Variants in C19orf44 observed in about 807,000 individuals in gnomAD.
The protein encoded by C19orf44 is uncharacterized protein C19orf44.
A neutral mutation model predicts 50.7 loss-of-function variants in C19orf44; 43 were observed. That is an observed-to-expected ratio of 0.85 (90% CI 0.66 to 1.09). The LOEUF (loss-of-function observed/expected upper bound fraction) is 1.09, where lower values mean the gene tolerates loss of function less well. Ranked by LOEUF, C19orf44 falls within the 50% of genes least tolerant of loss-of-function variation. C19orf44 has a pLI of 0.00. For missense variants in C19orf44, 722 were observed against 836.2 expected, an observed-to-expected ratio of 0.86 and a Z score of 1.68; for synonymous variants, 298 against 334.7, an observed-to-expected ratio of 0.89 and a Z score of 1.20.
Position 16,513,083 on chromosome 19 carries a change from A to G in C19orf44, c.1709A>G (p.His570Arg), listed in dbSNP as rs1450207655. The G allele has an allele frequency of 1.2e-6, 2 of 1,613,800 alleles. No individual in the cohort carries two copies. ...AYVDPTPIAN[H>R]VISADAIEAL... ...GTGGACCCGACACCCATCGCCAATCATGTTATCAGTGCAGATGCAATAGAA... is the reference window on the plus strand; with the variant it reads ...GTGGACCCGACACCCATCGCCAATCGTGTTATCAGTGCAGATGCAATAGAA... The change falls in exon 6 of 9, where the codon CAT becomes CGT. Residue 570 changes from histidine (H) to arginine (R), a missense_variant. Transcript: ENST00000221671.
chr19:16,506,484 T>C (rs1432947098), intron 3 of C19orf44, among the ~76,000 whole-genome samples: 1 of 151,836 alleles, frequency 6.6e-6, no homozygotes, highest in African/African-American at 2.4e-5. Context: ...TCCCAGCTAC[T>C]CAGGAGGCTG....
chr19:16,516,733 TC>T (rs1382058290), intron 7 of C19orf44, among the ~76,000 whole-genome samples: 2 of 152,112 alleles, frequency 1.3e-5, no homozygotes, highest in African/African-American at 2.4e-5. Context: ...CTGTGCCGAG[TC>T]CCCTGCATGC....
At position 16,518,852 on chromosome 19, in the gene C19orf44, G is replaced by A. The variant is rs1021501765; in HGVS notation, c.*41-1242G>A. ...AGGGCAGATGCACATCCATCCCTTC[G>A]TGGCTGAAGAATTTACTCGGGCGGA... On this transcript the variant is annotated intron_variant, in intron 8 of 8. Transcript: ENST00000221671. The A allele has an allele frequency of 1.9e-5, 7 of 378,314 alleles. No individual in the cohort carries two copies. In the East Asian group the frequency reaches 2.0e-4, roughly 11 times the overall value. The allele number at this position is 378,314 out of a possible 1,614,324, so 23.4% of individuals were successfully genotyped here. A position where few individuals can be genotyped will look rare whatever the true frequency, so the allele number is the denominator to read the frequency against.
At chr19:16,515,817 ACTGAGTTTC>A (rs2093469948) in intron 7 of C19orf44, among the ~76,000 whole-genome samples, 1 of 150,924 alleles carries the variant, frequency 6.6e-6, no homozygotes, top group Non-Finnish European at 1.5e-5. Context: ...TTCTTTTGAG[ACTGAGTTTC>A]ACTCTTGTTG....
rs536224429 is a variant in C19orf44 at position 16,511,139 on chromosome 19, C to T, written c.1639+1151C>T. Among the ~76,000 whole-genome samples, 17 of 151,508 alleles carry T rather than the reference C, an allele frequency of 1.1e-4. No individual in the cohort carries two copies. In the South Asian group the frequency reaches 2.5e-3, roughly 22 times the overall value. ...GCAACCTCCACCTCCTGGGTTCAAG[C>T]GATTCTCCTGCCTCAGCCTCCTGAA... is the stretch of plus-strand genomic sequence containing the variant. On this transcript the variant is annotated intron_variant, in intron 5 of 8. Coordinates refer to ENST00000221671, the MANE Select transcript of C19orf44 (RefSeq NM_032207.4).
In C19orf44 at chr19:16,520,011, G is replaced by A. The variant is rs1194992572; in HGVS notation, c.*41-83G>A. 6.6e-6 allele frequency: 6 copies of A among 906,660 alleles called. No individual in the cohort carries two copies. Among genetic ancestry groups the A allele is most frequent in the African/African-American group, 1.7e-5 (1 of 60,348 alleles). 56.2% of individuals were successfully genotyped at this position (906,660 alleles called of 1,614,324 possible). A position where few individuals can be genotyped will look rare whatever the true frequency, so the allele number is the denominator to read the frequency against. Reference sequence around the variant, plus strand: ...TCGCCAAGTGGCTACTGTGGTGAAGGGTGAGGGGTGCCACTGTCCCCGGGC... The same window carrying A: ...TCGCCAAGTGGCTACTGTGGTGAAGAGTGAGGGGTGCCACTGTCCCCGGGC... On this transcript the variant is annotated intron_variant, in intron 8 of 8. Transcript: ENST00000221671. This position sits in a 1 kb window ranked among gnomAD's most constrained non-coding sequence, Gnocchi z 4.0.
intron 3 of C19orf44, 143 bp from the exon 4 acceptor site, chr19:16,506,558 A>G (rs2093441082): frequency 3.9e-6 from 2 of 518,942 alleles, no homozygotes; most frequent in Non-Finnish European, 6.6e-6. Flanking sequence ...GTGCCACTGC[A>G]CTCCAGCCTG....
In C19orf44 at chr19:16,521,343, T is replaced by C. The variant is rs977185309; in HGVS notation, c.*1290T>C. 3 of 600,220 alleles carry C rather than the reference T, an allele frequency of 5.0e-6. No homozygotes were observed. Among genetic ancestry groups the C allele is most frequent in the South Asian group, 4.6e-5 (2 of 43,298 alleles). The allele number at this position is 600,220 out of a possible 1,614,324, so 37.2% of individuals were successfully genotyped here. Reference sequence around the variant, plus strand: ...CTGATGTGTCTCCATTAAAACGCCCTTCATTGAGGGCCACGTGTGTGCTGT... The same window carrying C: ...CTGATGTGTCTCCATTAAAACGCCCCTCATTGAGGGCCACGTGTGTGCTGT... On this transcript the variant is annotated 3_prime_UTR_variant, in exon 9 of 9. Transcript: ENST00000221671.
chr19:16,518,317 T>A (rs1328621150), intron 8 of C19orf44: 1 of 151,410 alleles, frequency 6.6e-6, no homozygotes, highest in East Asian at 2.0e-4. Context: ...CGGTGCAGGG[T>A]TCTTCCAAGT....
chr19:16,513,529 A>T (rs1197678601), intron 6 of C19orf44, among the ~76,000 whole-genome samples: 1 of 151,472 alleles, frequency 6.6e-6, no homozygotes, highest in South Asian at 2.1e-4. Context: ...GATTACAGGC[A>T]CCTGCCACCA....
intron 3 of C19orf44, 105 bp downstream of exon 3, chr19:16,503,485 T>G (rs1599730512): frequency 8.3e-7 from 1 of 1,207,750 alleles, no homozygotes; most frequent in Non-Finnish European, 1.1e-6. Context: ...AGGCAGGGAG[T>G]TTTGAGTCGC....
chr19:16,500,732 T>C lies in C19orf44; in HGVS notation c.-1-60T>C, dbSNP rs1311503917. On this transcript the variant is annotated intron_variant, in intron 1 of 8. Coordinates refer to ENST00000221671, the MANE Select transcript of C19orf44 (RefSeq NM_032207.4). ...GTGAGCTTTTGCCAAGTAGGAGCCA[T>C]TGAATGCTCAATACAAACAGCAGGT... 4.7e-6 allele frequency: 7 copies of C among 1,474,624 alleles called. No individual in the cohort carries two copies. The Admixed American group carries it at 1.1e-4, about 24-fold the overall frequency. The allele number at this position is 1,474,624 out of a possible 1,614,324, so 91.3% of individuals were successfully genotyped here.
At chr19:16,512,565 G>T (rs1348885037) in intron 5 of C19orf44, among the ~76,000 whole-genome samples, 1 of 151,962 alleles carries the variant, frequency 6.6e-6, no homozygotes, top group Non-Finnish European at 1.5e-5. Flanking sequence ...TACTTGAAAG[G>T]GGAAGAGGGT....
At chr19:16,511,271 G>A (rs1347733144) in intron 5 of C19orf44, among the ~76,000 whole-genome samples, 3 of 151,988 alleles carry the variant, frequency 2.0e-5, no homozygotes, top group South Asian at 2.1e-4. Flanking sequence ...TCCTGACCTC[G>A]TGATCTGCCT....
chr19:16,520,498 C>G lies in C19orf44; in HGVS notation c.*445C>G, dbSNP rs529370662. Reference sequence around the variant, plus strand: ...GACTCTTGGATCTGCTCCGAGACCTCGAGGGTCCGCTGTGGGGAGAGGCCT... The same window carrying G: ...GACTCTTGGATCTGCTCCGAGACCTGGAGGGTCCGCTGTGGGGAGAGGCCT... On this transcript the variant is annotated 3_prime_UTR_variant, in exon 9 of 9. Transcript: ENST00000221671. The surrounding 1 kb of genome is among the most constrained non-coding windows in gnomAD (Gnocchi z 4.0). 6.2e-7 allele frequency: 1 copy of G among 1,612,988 alleles called. No homozygotes were observed. The highest frequency in any genetic ancestry group is 1.1e-5 in the South Asian group (1 of 90,890).
At position 16,519,993 on chromosome 19, in the gene C19orf44, G is replaced by A; in HGVS notation, c.*41-101G>A. Reference sequence around the variant, plus strand: ...CAGTTACTGCCTCAGGCTTCGCCAAGTGGCTACTGTGGTGAAGGGTGAGGG... The same window carrying A: ...CAGTTACTGCCTCAGGCTTCGCCAAATGGCTACTGTGGTGAAGGGTGAGGG... On this transcript the variant is annotated intron_variant, in intron 8 of 8. Coordinates refer to ENST00000221671, the MANE Select transcript of C19orf44 (RefSeq NM_032207.4). This position sits in a 1 kb window ranked among gnomAD's most constrained non-coding sequence, Gnocchi z 6.0. 1 of 808,974 alleles carries A rather than the reference G, an allele frequency of 1.2e-6. No individual in the cohort carries two copies. The highest frequency in any genetic ancestry group is 2.0e-6 in the Non-Finnish European group (1 of 502,116). 50.1% of individuals were successfully genotyped at this position (808,974 alleles called of 1,614,324 possible).
chr19:16,514,735 G>T, intron 7 of C19orf44, 72 bp downstream of exon 7: 2 of 1,426,258 alleles, frequency 1.4e-6, no homozygotes, highest in Non-Finnish European at 9.2e-7. Flanking sequence ...GGGCCGAAGG[G>T]ATATGGGCCG....
At chr19:16,500,648 A>C in intron 1 of C19orf44, 144 bp from the exon 2 acceptor site, 1 of 831,388 alleles carries the variant, frequency 1.2e-6, no homozygotes, top group Non-Finnish European at 1.8e-6. Flanking sequence ...CAGCCTGGTC[A>C]TTTTCATTGT....
intron 3 of C19orf44, among the ~76,000 whole-genome samples, chr19:16,505,577 A>G (rs2093438258): frequency 6.6e-6 from 1 of 152,128 alleles, no homozygotes. Flanking sequence ...CACATTGTCT[A>G]TGGCTGCTTT....
Sources: gnomAD v4.1 joint callset for allele counts (sites outside exome capture counted in the v4.1 genomes callset) on GRCh38, gnomAD v4.1.1 for gene constraint, Gnocchi (gnomAD v3.1) non-coding constraint, MANE v1.5 for transcripts, NCBI Gene and HGNC (gene_info 2026-07-23, HGNC 2026-07-21) for gene names.